SPMIP3: variants seen among roughly 807,000 people sequenced by gnomAD.
The protein encoded by SPMIP3 is protein SPMIP3.
the SPMIP3 span, among the ~76,000 whole-genome samples, chr1:244,383,306 G>A: frequency 4.6e-5 from 7 of 152,158 alleles, no homozygotes; most frequent in Admixed American, 2.6e-4. Context: ...GAGGACAGGA[G>A]TTTGAGACCA....
chr1:244,389,142 C>A, the SPMIP3 span: 1 of 1,117,498 alleles, frequency 8.9e-7, no homozygotes, highest in Non-Finnish European at 1.3e-6. Context: ...GGCAGCAGAA[C>A]TACTTTCAGT....
At chr1:244,373,152 G>A in the SPMIP3 span, among the ~76,000 whole-genome samples, 8 of 151,570 alleles carry the variant, frequency 5.3e-5, no homozygotes, top group East Asian at 9.8e-4. Flanking sequence ...AGGTCAAGGC[G>A]GGAGAATCAC....
chr1:244,378,637 T>C, the SPMIP3 span: 28 of 1,612,258 alleles, frequency 1.7e-5, no homozygotes, highest in East Asian at 4.2e-4. Flanking sequence ...TTTTATGAGA[T>C]TGGTAAGTCA....
the SPMIP3 span, among the ~76,000 whole-genome samples, chr1:244,380,597 C>T: frequency 6.6e-6 from 1 of 152,102 alleles, no homozygotes; most frequent in Non-Finnish European, 1.5e-5. Context: ...CACAGCTAGG[C>T]GGTAGGAGAA....
At chr1:244,364,676 A>AT in the SPMIP3 span, 52 of 1,609,288 alleles carry the variant, frequency 3.2e-5, no homozygotes, top group Non-Finnish European at 3.9e-5. Flanking sequence ...TTATGCCATA[A>AT]TTTTTTTTCA....
the SPMIP3 span, among the ~76,000 whole-genome samples, chr1:244,357,469 G>T: frequency 1.5e-4 from 23 of 152,050 alleles, no homozygotes; most frequent in Middle Eastern, 6.8e-3. Flanking sequence ...CAGCACTTTG[G>T]GGGGGCCAAG....
At chr1:244,372,405 C>T in the SPMIP3 span, among the ~76,000 whole-genome samples, 4 of 151,572 alleles carry the variant, frequency 2.6e-5, no homozygotes, top group Admixed American at 2.0e-4. Context: ...TAGTGAGATA[C>T]GTTATGCAAA....
the SPMIP3 span, among the ~76,000 whole-genome samples, chr1:244,382,707 G>T: frequency 6.8e-6 from 1 of 148,092 alleles, no homozygotes; most frequent in Non-Finnish European, 1.5e-5. Context: ...GGGTTCAAGC[G>T]ATTCTCCTGC....
the SPMIP3 span, among the ~76,000 whole-genome samples, chr1:244,373,332 T>TATATATATATATATATATATATATATATA: frequency 4.7e-5 from 4 of 85,146 alleles, no homozygotes; most frequent in Non-Finnish European, 5.1e-5. Flanking sequence ...CAAAAAAAAA[T>TATATATATATATATATATATATATATATA]TATATATATA....
At chr1:244,366,522 C>CT in the SPMIP3 span, among the ~76,000 whole-genome samples, 6 of 152,162 alleles carry the variant, frequency 3.9e-5, no homozygotes, top group African/African-American at 1.4e-4. Context: ...AAGAGAAGTC[C>CT]TTCTTCCAGA....
chr1:244,380,402 G>T, the SPMIP3 span, among the ~76,000 whole-genome samples: 2 of 152,264 alleles, frequency 1.3e-5, no homozygotes, highest in Non-Finnish European at 2.9e-5. Flanking sequence ...TTACAGGCGT[G>T]AGCCACTGCA....
chr1:244,364,207 C>G, the SPMIP3 span, among the ~76,000 whole-genome samples: 5 of 152,082 alleles, frequency 3.3e-5, no homozygotes, highest in African/African-American at 1.2e-4. Flanking sequence ...CGGGTTCACA[C>G]CATTCTCCTG....
chr1:244,386,692 C>G, the SPMIP3 span, among the ~76,000 whole-genome samples: 4 of 152,194 alleles, frequency 2.6e-5, no homozygotes, highest in African/African-American at 9.7e-5. Context: ...CAGGATCACA[C>G]TCGATTAAAT....
the SPMIP3 span, among the ~76,000 whole-genome samples, chr1:244,385,268 C>A: frequency 2.0e-5 from 3 of 152,164 alleles, no homozygotes; most frequent in Admixed American, 6.5e-5. Flanking sequence ...ATGTTCAGTT[C>A]TCTGAGGTGT....
the SPMIP3 span, among the ~76,000 whole-genome samples, chr1:244,383,060 C>T: frequency 3.3e-5 from 5 of 152,108 alleles, no homozygotes; most frequent in Admixed American, 1.3e-4. Context: ...TTGGGGGTGG[C>T]ATCAACTGGA....
the SPMIP3 span, chr1:244,378,443 C>A: frequency 1.3e-6 from 2 of 1,584,310 alleles, no homozygotes; most frequent in African/African-American, 1.4e-5. Context: ...GGCTTTTCAG[C>A]AAACTACTTC....
chr1:244,368,303 AT>A, the SPMIP3 span, among the ~76,000 whole-genome samples: 1 of 152,132 alleles, frequency 6.6e-6, no homozygotes, highest in African/African-American at 2.4e-5. Context: ...ACCCCCTGGA[AT>A]AATAATGGTA....
the SPMIP3 span, among the ~76,000 whole-genome samples, chr1:244,370,361 T>A: frequency 5.9e-5 from 9 of 152,230 alleles, no homozygotes; most frequent in Non-Finnish European, 1.0e-4. Context: ...TTCCTTTAGT[T>A]CTGTCTTCTG....
At chr1:244,375,447 T>C in the SPMIP3 span, 8 of 1,613,764 alleles carry the variant, frequency 5.0e-6, no homozygotes, top group African/African-American at 4.0e-5. Context: ...ATTTTGATCA[T>C]AGTGCAAAGA....
Sources: allele counts gnomAD v4.1 joint callset (sites outside exome capture counted in the v4.1 genomes callset), GRCh38; gene constraint gnomAD v4.1.1; transcripts MANE v1.5; gene names NCBI Gene and HGNC (gene_info 2026-07-23, HGNC 2026-07-21).